ARMH4: variants seen among roughly 807,000 people sequenced by gnomAD.
ARMH4 encodes armadillo like helical domain containing 4, also known as armadillo-like helical domain-containing protein 4.
ARMH4 carries 49 observed loss-of-function variants against 61.9 expected under a neutral mutation model. That is an observed-to-expected ratio of 0.79 (90% confidence interval 0.63 to 1.00). The LOEUF (loss-of-function observed/expected upper bound fraction) is 1.00, where lower values mean the gene tolerates loss of function less well. ARMH4 is among the 50% of genes least tolerant of loss of function. The pLI, the probability that ARMH4 is intolerant of heterozygous loss-of-function variation, is 0.00. For missense variants in ARMH4, 934 were observed against 930.0 expected (o/e 1.00, Z -0.06); for synonymous variants, 368 against 341.5 (o/e 1.08, Z -0.85).
At chr14:58,117,094 G>C (rs1391427873) in intron 4 of ARMH4, among the ~76,000 whole-genome samples, 3 of 152,286 alleles carry the variant, frequency 2.0e-5, no homozygotes, top group South Asian at 2.1e-4. Flanking sequence ...TGGGATTACA[G>C]GCATAAGCCA....
chr14:58,074,951 T>G (rs111398349), intron 5 of ARMH4, among the ~76,000 whole-genome samples: 102 of 152,308 alleles, frequency 6.7e-4, no homozygotes, highest in African/African-American at 2.3e-3. Flanking sequence ...GGGATGTGGC[T>G]TTATATATTA....
intron 2 of ARMH4, among the ~76,000 whole-genome samples, chr14:58,137,288 T>C (rs985353071): frequency 1.3e-5 from 2 of 152,124 alleles, no homozygotes; most frequent in Non-Finnish European, 2.9e-5. Flanking sequence ...ACTAAAAATG[T>C]CTCCAAACAT....
At chr14:58,054,887 A>T (rs1233388138) in intron 5 of ARMH4, among the ~76,000 whole-genome samples, 1 of 80,556 alleles carries the variant, frequency 1.2e-5, no homozygotes, top group African/African-American at 8.1e-5. Flanking sequence ...AAAAAAAAAT[A>T]ATAATAATAA....
chr14:58,049,238 CAAAA>C (rs535936500), intron 5 of ARMH4, among the ~76,000 whole-genome samples: 5 of 64,050 alleles, frequency 7.8e-5, no homozygotes, highest in Admixed American at 1.7e-4. Flanking sequence ...GACTCCGTCC[CAAAA>C]AAAAAAAAAA....
At chr14:58,149,581 GTC>G (rs1887857205) in intron 1 of ARMH4, among the ~76,000 whole-genome samples, 1 of 152,174 alleles carries the variant, frequency 6.6e-6, no homozygotes, top group South Asian at 2.1e-4. Context: ...AGGAGCTTCA[GTC>G]TCTACAAATT....
chr14:58,139,123 G>A lies in ARMH4; in HGVS notation c.236C>T (p.Ala79Val). 1 of 1,614,236 alleles carries A rather than the reference G, an allele frequency of 6.2e-7. No homozygotes were observed. Among genetic ancestry groups the A allele is most frequent in the Non-Finnish European group, 8.5e-7 (1 of 1,180,036 alleles). The stretch of plus-strand genomic sequence containing the variant: ...ATTTAATGATGTTGCCGATGGTACT[G>A]CTGACATCATCATTGGATCTTCAGA... The part of the protein sequence containing the change: ...VVSEDPMMMS[A>V]VPSATSLNKA... Residue 79 changes from alanine (A) to valine (V), a missense_variant, in exon 2 of 8, where the codon GCA (alanine) becomes GTA (valine). Transcript: ENST00000267485.
rs192242780 is a variant in ARMH4 at position 58,124,425 on chromosome 14, C to T, written c.1831+7087G>A. On this transcript the variant is annotated intron_variant, in intron 4 of 7. Coordinates refer to ENST00000267485, the MANE Select transcript of ARMH4 (RefSeq NM_001001872.4). ...TGGCCTCATTGTTTACGGGTAGTAG[C>T]GGCAGTAGCAGTCTTAGTATCTGAA... 9.5e-3 allele frequency among the ~76,000 whole-genome samples: 1,439 copies of T among 152,218 alleles called. 21 individuals are homozygous for T. The highest frequency in any genetic ancestry group is 0.032 in the African/African-American group (1,349 of 41,518).
intron 5 of ARMH4, among the ~76,000 whole-genome samples, chr14:58,076,900 G>A (rs943969127): frequency 1.6e-4 from 25 of 152,060 alleles, no homozygotes; most frequent in African/African-American, 5.8e-4. Context: ...CCCAGACTCG[G>A]GCCCCTCATT....
At chr14:58,029,303 G>A (rs35163454) in intron 5 of ARMH4, among the ~76,000 whole-genome samples, 1,993 of 151,586 alleles carry the variant, frequency 0.013, 31 homozygotes, top group East Asian at 0.08. Flanking sequence ...GCGCAATCTC[G>A]GCTCACCACA....
chr14:58,077,948 C>G (rs1885100018), intron 5 of ARMH4, among the ~76,000 whole-genome samples: 1 of 152,200 alleles, frequency 6.6e-6, no homozygotes, highest in African/African-American at 2.4e-5. Context: ...CAATTGTGTA[C>G]TGTGTACCCA....
intron 4 of ARMH4, among the ~76,000 whole-genome samples, chr14:58,118,556 A>G (rs916328435): frequency 1.3e-5 from 2 of 152,074 alleles, no homozygotes; most frequent in African/African-American, 4.8e-5. Flanking sequence ...ATAGGGGGAA[A>G]AAAAAAAGCC....
chr14:58,004,902 A>C (rs953605008), intron 7 of ARMH4, 98 bp from the exon 8 acceptor site: 15 of 1,520,228 alleles, frequency 9.9e-6, no homozygotes, highest in Admixed American at 1.7e-5. Flanking sequence ...AACGAAGCCA[A>C]GGCAGGAGCT....
chr14:58,092,218 T>C (rs1885592061), intron 5 of ARMH4, among the ~76,000 whole-genome samples: 1 of 152,036 alleles, frequency 6.6e-6, no homozygotes, highest in African/African-American at 2.4e-5. Flanking sequence ...TGATAACCTA[T>C]AAATAAAACA....
intron 5 of ARMH4, among the ~76,000 whole-genome samples, chr14:58,052,873 C>T (rs1195864401): frequency 6.6e-6 from 1 of 152,056 alleles, no homozygotes; most frequent in Non-Finnish European, 1.5e-5. Context: ...CGTGATTGCT[C>T]CCTCTCCCCA....
At chr14:58,038,563 T>TAA (rs71107906) in intron 5 of ARMH4, among the ~76,000 whole-genome samples, 14 of 135,362 alleles carry the variant, frequency 1.0e-4, no homozygotes, top group South Asian at 2.4e-4. Flanking sequence ...AAAAAAAAAT[T>TAA]AAAAAAAAAA....
chr14:58,144,315 A>G (rs1399158835), intron 1 of ARMH4, among the ~76,000 whole-genome samples: 2 of 152,040 alleles, frequency 1.3e-5, no homozygotes, highest in Admixed American at 1.3e-4. Context: ...TGTAGTCCCA[A>G]TACTTTGAGA....
chr14:58,098,424 T>G (rs926565463), intron 4 of ARMH4, among the ~76,000 whole-genome samples: 2 of 152,298 alleles, frequency 1.3e-5, no homozygotes, highest in African/African-American at 4.8e-5. Context: ...CCAGGGAGAC[T>G]CACAGCAAAC....
At chr14:58,112,077 A>T (rs1886371124) in intron 4 of ARMH4, among the ~76,000 whole-genome samples, 2 of 152,132 alleles carry the variant, frequency 1.3e-5, no homozygotes, top group African/African-American at 4.8e-5. Context: ...ATCCCCTTAC[A>T]GACCCTGTCT....
chr14:58,018,618 C>T (rs1264051651), intron 5 of ARMH4, among the ~76,000 whole-genome samples: 1 of 152,076 alleles, frequency 6.6e-6, no homozygotes, highest in East Asian at 1.9e-4. Context: ...AAAGACAAAA[C>T]ATAACAAGGT....
Sources: gnomAD v4.1 joint callset for allele counts (sites outside exome capture counted in the v4.1 genomes callset) on GRCh38, gnomAD v4.1.1 for gene constraint, MANE v1.5 for transcripts, NCBI Gene and HGNC (gene_info 2026-07-23, HGNC 2026-07-21) for gene names.